Variants in GMFB observed in about 807,000 individuals in gnomAD.
GMFB encodes glia maturation factor beta.
GMFB carries 13 observed loss-of-function variants against 25.6 expected under a neutral mutation model. The observed-to-expected ratio is 0.51, with a 90% CI of 0.33 to 0.81. The LOEUF is 0.81. Ranked by LOEUF, GMFB falls within the 30% of genes least tolerant of loss-of-function variation. The pLI is 0.02. For synonymous variants in GMFB, 57 were observed against 56.9 expected, an observed-to-expected ratio of 1.00 and a Z score of 0.00; for missense variants, 146 against 175.4, an observed-to-expected ratio of 0.83 and a Z score of 0.95.
chr14:54,487,493 C>T (rs974352711), intron 1 of GMFB, among the ~76,000 whole-genome samples: 1 of 151,990 alleles, frequency 6.6e-6, no homozygotes, highest in African/African-American at 2.4e-5. Flanking sequence ...GAGCGGAGAT[C>T]GCGCCACTGC....
At chr14:54,488,696 C>T (rs1163529858) in intron 1 of GMFB, 1 of 488,066 alleles carries the variant, frequency 2.0e-6, no homozygotes, top group Non-Finnish European at 3.6e-6. Flanking sequence ...GTCCCATGGC[C>T]CGCTGGGCGG....
At chr14:54,486,478 TA>T (rs1242345608) in intron 1 of GMFB, among the ~76,000 whole-genome samples, 4 of 152,004 alleles carry the variant, frequency 2.6e-5, no homozygotes, top group Non-Finnish European at 4.4e-5. Context: ...CATATCAAGC[TA>T]AAAAGCTTCT....
At position 54,475,862 on chromosome 14, in the gene GMFB, A is replaced by G. The variant is rs2031632280; in HGVS notation, c.*2226T>C. ...AATGGTTGTACCAGAAAGATAACGGAATGTAAAAACTGGAATTATGAAATC... is the reference window on the plus strand; with the variant it reads ...AATGGTTGTACCAGAAAGATAACGGGATGTAAAAACTGGAATTATGAAATC... On this transcript the variant is annotated 3_prime_UTR_variant, in exon 7 of 7. Coordinates refer to ENST00000358056, the MANE Select transcript of GMFB (RefSeq NM_004124.3). The G allele has an allele frequency of 6.6e-6, 1 of 152,234 alleles. No individual in the cohort carries two copies. Among genetic ancestry groups the G allele is most frequent in the African/African-American group, 2.4e-5 (1 of 41,460 alleles). The allele number at this position is 152,234 out of a possible 1,614,324, so 9.4% of individuals were successfully genotyped here.
intron 3 of GMFB, 68 bp downstream of exon 3, chr14:54,482,085 T>G: frequency 1.0e-6 from 1 of 992,128 alleles, no homozygotes; most frequent in Non-Finnish European, 1.6e-6. Flanking sequence ...CATATGTAAC[T>G]AATATAGCAT....
At chr14:54,487,011 T>C (rs1038514157) in intron 1 of GMFB, among the ~76,000 whole-genome samples, 3 of 152,046 alleles carry the variant, frequency 2.0e-5, no homozygotes, top group African/African-American at 7.2e-5. Context: ...AGGGCATGAG[T>C]TCTACTTTGG....
intron 1 of GMFB, chr14:54,488,510 G>A (rs2031820233): frequency 5.3e-6 from 1 of 189,178 alleles, no homozygotes; most frequent in Admixed American, 6.2e-5. Context: ...AGATGCTCGG[G>A]GCCCACCAAC....
chr14:54,482,290 A>C, intron 2 of GMFB, 88 bp from the exon 3 acceptor site: 3 of 790,746 alleles, frequency 3.8e-6, no homozygotes, highest in Non-Finnish European at 4.3e-6. Context: ...TTTTTTTCGG[A>C]CATCTAAAAT....
chr14:54,488,145 G>A (rs1361645726), intron 1 of GMFB, among the ~76,000 whole-genome samples: 1 of 152,188 alleles, frequency 6.6e-6, no homozygotes, highest in East Asian at 1.9e-4. Context: ...AGAGAGCAGT[G>A]TTTTGTTGTT....
chr14:54,486,248 C>CAAA (rs1201952976), intron 1 of GMFB, among the ~76,000 whole-genome samples: 3 of 151,878 alleles, frequency 2.0e-5, no homozygotes, highest in Admixed American at 6.6e-5. Context: ...GACTCCATCT[C>CAAA]AAAAACAAAA....
At chr14:54,485,066 G>A (rs958161797) in intron 1 of GMFB, among the ~76,000 whole-genome samples, 1 of 151,834 alleles carries the variant, frequency 6.6e-6, no homozygotes, top group Admixed American at 6.6e-5. Flanking sequence ...ACAGCTGACA[G>A]CATACTAAAT....
chr14:54,488,831 G>T, intron 1 of GMFB, 94 bp downstream of exon 1: 2 of 1,067,218 alleles, frequency 1.9e-6, no homozygotes, highest in East Asian at 3.0e-5. Flanking sequence ...GCCCTCCTGG[G>T]CGCTGCCCGC....
Position 54,486,362 on chromosome 14 carries a change from A to T in GMFB, c.3+2563T>A, listed in dbSNP as rs73265761. 5.9e-3 allele frequency among the ~76,000 whole-genome samples: 892 copies of T among 152,362 alleles called. 10 individuals carry two copies. Among genetic ancestry groups the T allele is most frequent in the African/African-American group, 0.021 (854 of 41,576 alleles). ...TAAGATCTGAAACTATACAACCACT[A>T]GAAGAAAACACTGGGCAATTGCTTC... On this transcript the variant is annotated intron_variant, in intron 1 of 6. Transcript: ENST00000358056.
chr14:54,481,275 G>C (rs1394551650), intron 4 of GMFB, 134 bp downstream of exon 4: 12 of 674,006 alleles, frequency 1.8e-5, no homozygotes, highest in Non-Finnish European at 2.9e-5. Flanking sequence ...TCTTAGTCTA[G>C]TATATGCACA....
chr14:54,477,979 G>A lies in GMFB; in HGVS notation c.*109C>T. On this transcript the variant is annotated 3_prime_UTR_variant, in exon 7 of 7. Transcript: ENST00000358056. ...AATGAAGAATTTTTCTTTACTGCAG[G>A]AAACAAACTGTAAGTAACAGTGCAT... 1.9e-6 allele frequency: 1 copy of A among 528,024 alleles called. No individual in the cohort carries two copies. Among genetic ancestry groups the A allele is most frequent in the South Asian group, 3.1e-5 (1 of 32,576 alleles). The allele number at this position is 528,024 out of a possible 1,614,324, so 32.7% of individuals were successfully genotyped here.
At chr14:54,486,049 A>G (rs2031777744) in intron 1 of GMFB, among the ~76,000 whole-genome samples, 1 of 152,194 alleles carries the variant, frequency 6.6e-6, no homozygotes, top group Non-Finnish European at 1.5e-5. Flanking sequence ...CAGGAGTTCG[A>G]GACCAGCCTG....
At position 54,483,771 on chromosome 14, in the gene GMFB, T is replaced by C. The variant is rs753971037; in HGVS notation, c.4-4A>G. 6.4e-7 allele frequency: 1 copy of C among 1,554,518 alleles called. No individual in the cohort carries two copies. The highest frequency in any genetic ancestry group is 8.8e-7 in the Non-Finnish European group (1 of 1,130,706). ...CACAAACAACCAAAGACTCACTCTA[T>C]AAAAGAAAAAAAACACACATAAAAT... is the stretch of plus-strand genomic sequence containing the variant. On this transcript the variant is annotated splice_polypyrimidine_tract_variant and splice_region_variant and intron_variant, in intron 1 of 6. Coordinates refer to ENST00000358056, the MANE Select transcript of GMFB (RefSeq NM_004124.3).
At chr14:54,481,352 C>A in intron 4 of GMFB, 57 bp downstream of exon 4, 1 of 1,140,996 alleles carries the variant, frequency 8.8e-7, no homozygotes, top group Middle Eastern at 1.9e-4. Context: ...AATGAGCTCA[C>A]AAACAGGTCT....
chr14:54,480,794 A>G, intron 5 of GMFB, 80 bp downstream of exon 5: 2 of 731,794 alleles, frequency 2.7e-6, no homozygotes, highest in Non-Finnish European at 4.8e-6. Context: ...CATCTTTAAA[A>G]ACAGCAGAAA....
chr14:54,479,584 C>G (rs2031683491), intron 6 of GMFB: 1 of 464,354 alleles, frequency 2.2e-6, no homozygotes, highest in Admixed American at 3.9e-5. Flanking sequence ...TTCTTCCAAT[C>G]AACTTATTCA....
Sources: gnomAD v4.1 joint callset for allele counts (sites outside exome capture counted in the v4.1 genomes callset) on GRCh38, gnomAD v4.1.1 for gene constraint, MANE v1.5 for transcripts, NCBI Gene and HGNC (gene_info 2026-07-23, HGNC 2026-07-21) for gene names.